The following FIGN variants were observed in gnomAD, a reference collection of about 807,000 sequenced individuals.
The protein encoded by FIGN is fidgetin, microtubule severing factor.
FIGN carries 11 observed loss-of-function variants against 51.3 expected under a neutral mutation model. That is an observed-to-expected ratio of 0.21 (90% CI 0.13 to 0.35). FIGN has a LOEUF of 0.35. FIGN is among the 10% of genes least tolerant of loss of function. The pLI, the probability that FIGN is intolerant of heterozygous loss-of-function variation, is 1.00. For synonymous variants in FIGN, 407 were observed against 363.2 expected, an observed-to-expected ratio of 1.12 and a Z score of -1.37; for missense variants, 857 against 943.6, an observed-to-expected ratio of 0.91 and a Z score of 1.20.
chr2:163,624,588 G>A (rs763702016), intron 2 of FIGN, among the ~76,000 whole-genome samples: 7 of 151,610 alleles, frequency 4.6e-5, no homozygotes, highest in Non-Finnish European at 8.8e-5. Context: ...CTCTTCATTA[G>A]TGAGCTGTGG....
intron 2 of FIGN, among the ~76,000 whole-genome samples, chr2:163,622,861 A>G (rs1372760418): frequency 6.6e-6 from 1 of 152,172 alleles, no homozygotes; most frequent in Non-Finnish European, 1.5e-5. Context: ...CACCGCACTC[A>G]GCACAGCCAC....
chr2:163,603,952 G>A lies in FIGN; in HGVS notation c.*5600C>T, dbSNP rs1691030817. On this transcript the variant is annotated 3_prime_UTR_variant, in exon 3 of 3. Transcript: ENST00000333129. ...CAATTGCTTCAATAAACAAATACATGTTATAAAGGGAAATCAGAAACAAAA... is the reference window on the plus strand; with the variant it reads ...CAATTGCTTCAATAAACAAATACATATTATAAAGGGAAATCAGAAACAAAA... The A allele has an allele frequency of 6.6e-6, 1 of 152,028 alleles. No individual in the cohort carries two copies. The highest frequency in any genetic ancestry group is 2.4e-5 in the African/African-American group (1 of 41,428). 9.4% of individuals were successfully genotyped at this position (152,028 alleles called of 1,614,324 possible).
intron 2 of FIGN, among the ~76,000 whole-genome samples, chr2:163,658,778 G>A (rs1433920046): frequency 6.6e-6 from 1 of 152,180 alleles, no homozygotes; most frequent in African/African-American, 2.4e-5. Context: ...CTCCAACATT[G>A]GGGATCAAAT....
At chr2:163,683,633 G>A (rs1459111198) in intron 2 of FIGN, among the ~76,000 whole-genome samples, 1 of 152,120 alleles carries the variant, frequency 6.6e-6, no homozygotes, top group African/African-American at 2.4e-5. Flanking sequence ...CAAACTAGGT[G>A]CACATTGGAA....
chr2:163,658,493 A>C (rs1488071485), intron 2 of FIGN, among the ~76,000 whole-genome samples: 1 of 151,974 alleles, frequency 6.6e-6, no homozygotes, highest in Non-Finnish European at 1.5e-5. Flanking sequence ...TTTGACTCAC[A>C]ATTCTGCCAG....
intron 2 of FIGN, chr2:163,612,303 C>A: frequency 1.0e-6 from 1 of 985,246 alleles, no homozygotes; most frequent in Non-Finnish European, 1.2e-6. Flanking sequence ...AAATGAGACA[C>A]AGCTGACAGA....
intron 2 of FIGN, among the ~76,000 whole-genome samples, chr2:163,649,655 C>T (rs921241026): frequency 6.6e-6 from 1 of 152,106 alleles, no homozygotes; most frequent in Non-Finnish European, 1.5e-5. Flanking sequence ...CTCATGTGCA[C>T]CTAGTCAAGG....
At chr2:163,643,598 C>T (rs1339855721) in intron 2 of FIGN, among the ~76,000 whole-genome samples, 1 of 151,054 alleles carries the variant, frequency 6.6e-6, no homozygotes, top group African/African-American at 2.4e-5. Context: ...GGGTAGTGAG[C>T]CAAGATCATG....
chr2:163,614,837 A>C (rs754527939), intron 2 of FIGN, among the ~76,000 whole-genome samples: 5 of 151,762 alleles, frequency 3.3e-5, no homozygotes, highest in Non-Finnish European at 5.9e-5. Flanking sequence ...AAAACACAGG[A>C]GGTGGGAACC....
intron 2 of FIGN, among the ~76,000 whole-genome samples, chr2:163,671,009 C>T (rs1177795370): frequency 3.3e-5 from 5 of 152,198 alleles, no homozygotes; most frequent in East Asian, 1.9e-4. Flanking sequence ...ACCATAGCAT[C>T]AAGATCAGTC....
chr2:163,735,430 T>TTA (rs1573981774), intron 1 of FIGN, among the ~76,000 whole-genome samples: 1 of 152,224 alleles, frequency 6.6e-6, no homozygotes, highest in East Asian at 1.9e-4. Context: ...TGTGCAAGAT[T>TTA]CTTATTTACA....
chr2:163,625,729 A>G (rs929003427), intron 2 of FIGN, among the ~76,000 whole-genome samples: 2 of 152,036 alleles, frequency 1.3e-5, no homozygotes, highest in Non-Finnish European at 2.9e-5. Flanking sequence ...GAACATTTTT[A>G]TTGTTTTGGA....
rs1249585768 is a variant in FIGN at position 163,660,684 on chromosome 2, T to TAC, written c.26-48880_26-48879dup. On this transcript the variant is annotated intron_variant, in intron 2 of 2. Coordinates refer to ENST00000333129, the MANE Select transcript of FIGN (RefSeq NM_018086.4). ...ATATACATATACATATATATATATA[T>TAC]ACACATATACATATATATGTATACA... 3.0e-4 allele frequency among the ~76,000 whole-genome samples: 36 copies of TAC among 118,854 alleles called. 10 individuals are homozygous for TAC. Among genetic ancestry groups the TAC allele is most frequent in the South Asian group, 7.7e-4 (3 of 3,910 alleles). The allele number at this position is 118,854 out of a possible 152,430, so 78.0% of individuals were successfully genotyped here. A position where few individuals can be genotyped will look rare whatever the true frequency, so the allele number is the denominator to read the frequency against.
intron 2 of FIGN, among the ~76,000 whole-genome samples, chr2:163,718,176 A>C (rs1684699236): frequency 6.6e-6 from 1 of 152,168 alleles, no homozygotes; most frequent in African/African-American, 2.4e-5. Context: ...CCTAACTTAG[A>C]TCACTGAAAG....
At chr2:163,648,553 T>C (rs1683419289) in intron 2 of FIGN, among the ~76,000 whole-genome samples, 2 of 152,204 alleles carry the variant, frequency 1.3e-5, no homozygotes, top group African/African-American at 2.4e-5. Context: ...TGTTATTGTA[T>C]GTAAAATTTA....
At position 163,603,428 on chromosome 2, in the gene FIGN, GTTTC is replaced by G. The variant is rs1691017648; in HGVS notation, c.*6120_*6123del. 1 of 151,984 alleles carries G rather than the reference GTTTC, an allele frequency of 6.6e-6. No individual in the cohort carries two copies. The highest frequency in any genetic ancestry group is 1.5e-5 in the Non-Finnish European group (1 of 67,952). 9.4% of individuals were successfully genotyped at this position (151,984 alleles called of 1,614,324 possible). On this transcript the variant is annotated 3_prime_UTR_variant, in exon 3 of 3. Coordinates refer to ENST00000333129, the MANE Select transcript of FIGN (RefSeq NM_018086.4). ...GTGCACAGAAATTTTAATTAGTTAG[GTTTC>G]TTTTTCTTTTTTTAAATTTCTGTCT...
chr2:163,654,926 AGTAGGAGAC>A (rs1683536078), intron 2 of FIGN, among the ~76,000 whole-genome samples: 1 of 152,202 alleles, frequency 6.6e-6, no homozygotes, highest in Non-Finnish European at 1.5e-5. Flanking sequence ...GGAGCGTACC[AGTAGGAGAC>A]TGACAAACCA....
At chr2:163,631,752 G>A (rs1396256213) in intron 2 of FIGN, among the ~76,000 whole-genome samples, 1 of 152,178 alleles carries the variant, frequency 6.6e-6, no homozygotes, top group African/African-American at 2.4e-5. Context: ...GAACAGGGAA[G>A]GTAATTTATT....
At chr2:163,721,886 A>G (rs937821254) in intron 2 of FIGN, among the ~76,000 whole-genome samples, 2 of 152,202 alleles carry the variant, frequency 1.3e-5, no homozygotes, top group South Asian at 4.1e-4. Flanking sequence ...ATGTGAGCAA[A>G]TGCTTTTCTC....
Sources: allele counts gnomAD v4.1 joint callset (sites outside exome capture counted in the v4.1 genomes callset), GRCh38; gene constraint gnomAD v4.1.1; transcripts MANE v1.5; gene names NCBI Gene and HGNC (gene_info 2026-07-23, HGNC 2026-07-21).